The following FMN1 variants were observed in gnomAD, a reference collection of about 807,000 sequenced individuals.
FMN1 encodes the protein formin 1.
A neutral mutation model predicts 132.4 loss-of-function variants in FMN1; 110 were observed. The observed-to-expected ratio is 0.83, with a 90% CI of 0.71 to 0.97. The LOEUF (loss-of-function observed/expected upper bound fraction) is 0.97, where lower values mean the gene tolerates loss of function less well. FMN1 is among the 50% of genes least tolerant of loss of function. The probability of loss-of-function intolerance (pLI) is 0.00; values close to 1 mark genes in which losing one functional copy is unlikely to be tolerated. For synonymous variants in FMN1, 722 were observed against 651.7 expected (o/e 1.11, Z -1.64); for missense variants, 1,792 against 1,705.3 (o/e 1.05, Z -0.90).
intron 4 of FMN1, among the ~76,000 whole-genome samples, chr15:33,120,092 G>A (rs1403402320): frequency 6.6e-6 from 1 of 152,110 alleles, no homozygotes; most frequent in Non-Finnish European, 1.5e-5. Context: ...GTTAGTTAAA[G>A]GCACAGTTTG....
chr15:33,073,887 C>A (rs1448173472), intron 5 of FMN1, among the ~76,000 whole-genome samples: 2 of 152,038 alleles, frequency 1.3e-5, no homozygotes, highest in African/African-American at 4.8e-5. Flanking sequence ...CGTGTCACCA[C>A]GACCGACTAA....
At chr15:32,899,205 C>T (rs144458987) in intron 14 of FMN1, among the ~76,000 whole-genome samples, 21 of 152,234 alleles carry the variant, frequency 1.4e-4, no homozygotes, top group African/African-American at 3.9e-4. Context: ...ACAGGAGGTG[C>T]GGGGAATGCT....
At chr15:33,139,577 C>A (rs529016506) in intron 4 of FMN1, among the ~76,000 whole-genome samples, 1 of 152,156 alleles carries the variant, frequency 6.6e-6, no homozygotes, top group Non-Finnish European at 1.5e-5. Context: ...GGCGACAGAG[C>A]GAGACTTCTG....
chr15:33,111,601 A>G (rs7181041), intron 4 of FMN1, among the ~76,000 whole-genome samples: 9,300 of 152,262 alleles, frequency 0.061, 930 homozygotes, highest in African/African-American at 0.21. Flanking sequence ...ATGAATGGAT[A>G]AACAAAATGT....
intron 19 of FMN1, among the ~76,000 whole-genome samples, chr15:32,797,160 C>T (rs747960104): frequency 6.6e-6 from 1 of 152,200 alleles, no homozygotes; most frequent in Non-Finnish European, 1.5e-5. Context: ...GATCTAACTT[C>T]TATGATACAG....
chr15:32,803,770 A>G (rs2057563318), intron 18 of FMN1, among the ~76,000 whole-genome samples: 1 of 152,142 alleles, frequency 6.6e-6, no homozygotes, highest in African/African-American at 2.4e-5. Context: ...ACTTCCATCA[A>G]GCGGTTCAGG....
intron 15 of FMN1, among the ~76,000 whole-genome samples, chr15:32,888,734 T>C (rs775497029): frequency 3.9e-5 from 6 of 152,200 alleles, no homozygotes; most frequent in Admixed American, 6.5e-5. Context: ...AAGAAGGCAC[T>C]GCAATGGAAG....
chr15:33,047,181 T>C (rs1258294273), intron 6 of FMN1, among the ~76,000 whole-genome samples: 2 of 152,220 alleles, frequency 1.3e-5, no homozygotes, highest in African/African-American at 4.8e-5. Context: ...TTGCTGATTC[T>C]TTTCCCCCAC....
chr15:32,966,027 A>G (rs1229139153), intron 8 of FMN1, among the ~76,000 whole-genome samples: 1 of 152,060 alleles, frequency 6.6e-6, no homozygotes, highest in Non-Finnish European at 1.5e-5. Context: ...TCAGCTGGGA[A>G]TTCTGGAGTG....
chr15:33,025,792 A>G (rs1237466090), intron 6 of FMN1, among the ~76,000 whole-genome samples: 1 of 152,148 alleles, frequency 6.6e-6, no homozygotes, highest in Non-Finnish European at 1.5e-5. Flanking sequence ...TTTTAAAAAG[A>G]AAAAAATCTT....
At chr15:32,928,572 T>C (rs191451877) in intron 9 of FMN1, among the ~76,000 whole-genome samples, 5 of 152,296 alleles carry the variant, frequency 3.3e-5, no homozygotes, top group Admixed American at 1.3e-4. Context: ...AAGTTTGCTG[T>C]AGAGTCAAAA....
At chr15:32,874,599 TA>T (rs2059595548) in intron 16 of FMN1, among the ~76,000 whole-genome samples, 1 of 152,162 alleles carries the variant, frequency 6.6e-6, no homozygotes, top group Non-Finnish European at 1.5e-5. Flanking sequence ...GACTGACAAG[TA>T]TTATCTCTGT....
chr15:32,921,512 CCTT>C (rs1373077353), intron 10 of FMN1, among the ~76,000 whole-genome samples: 1 of 152,002 alleles, frequency 6.6e-6, no homozygotes, highest in Non-Finnish European at 1.5e-5. Flanking sequence ...ACAACATGGC[CCTT>C]CTTAGATTTC....
chr15:32,822,111 G>A lies in FMN1; in HGVS notation c.3929-17779C>T, dbSNP rs574898634. On this transcript the variant is annotated intron_variant, in intron 17 of 20. Transcript: ENST00000616417. The stretch of plus-strand genomic sequence containing the variant: ...TACCTGTAATCCCAGCACTTTGGGA[G>A]GCCAAGGCAGGTGAATCACCTGAGA... 2.6e-5 allele frequency among the ~76,000 whole-genome samples: 4 copies of A among 152,246 alleles called. No individual in the cohort carries two copies. In the South Asian group the frequency reaches 8.3e-4, roughly 32 times the overall value.
At chr15:33,106,831 A>G (rs1411496403) in intron 4 of FMN1, among the ~76,000 whole-genome samples, 2 of 152,058 alleles carry the variant, frequency 1.3e-5, no homozygotes, top group Non-Finnish European at 2.9e-5. Flanking sequence ...CTAGTTGAGA[A>G]GCACTGCTCT....
chr15:32,865,120 A>AGG (rs1295609669), intron 16 of FMN1, among the ~76,000 whole-genome samples: 1 of 152,024 alleles, frequency 6.6e-6, no homozygotes, highest in African/African-American at 2.4e-5. Flanking sequence ...AGAGAGAGAG[A>AGG]GGTGACAGCT....
chr15:32,996,983 C>G (rs190268812), intron 7 of FMN1, among the ~76,000 whole-genome samples: 1 of 152,212 alleles, frequency 6.6e-6, no homozygotes, highest in South Asian at 2.1e-4. Flanking sequence ...AAAATCGTAA[C>G]GAAGAAGTAA....
intron 16 of FMN1, among the ~76,000 whole-genome samples, chr15:32,862,734 T>G (rs1397306801): frequency 1.3e-5 from 2 of 152,220 alleles, no homozygotes; most frequent in Non-Finnish European, 2.9e-5. Flanking sequence ...CAAATGTATG[T>G]GGGCAATTGG....
chr15:32,812,947 T>C (rs2057934378), intron 17 of FMN1, among the ~76,000 whole-genome samples: 3 of 151,958 alleles, frequency 2.0e-5, no homozygotes, highest in Admixed American at 6.6e-5. Context: ...GCCCTCTGTA[T>C]CTGTGGGTTA....
Sources: allele counts gnomAD v4.1 joint callset (sites outside exome capture counted in the v4.1 genomes callset), GRCh38; gene constraint gnomAD v4.1.1; transcripts MANE v1.5; gene names NCBI Gene and HGNC (gene_info 2026-07-23, HGNC 2026-07-21).